Variants in SH3PXD2A observed in about 807,000 individuals in gnomAD.
SH3PXD2A encodes SH3 and PX domains 2A, also known as SH3 and PX domain-containing protein 2A.
Under a neutral mutation model 115.2 loss-of-function variants are expected in SH3PXD2A, and 32 were observed. That is an observed-to-expected ratio of 0.28 (90% CI 0.21 to 0.37). SH3PXD2A has a LOEUF of 0.37. Ranked by LOEUF, SH3PXD2A falls within the 10% of genes least tolerant of loss-of-function variation. The pLI is 1.00. For synonymous variants in SH3PXD2A, 610 were observed against 629.1 expected, an observed-to-expected ratio of 0.97 and a Z score of 0.45; for missense variants, 1,328 against 1,498.7, an observed-to-expected ratio of 0.89 and a Z score of 1.88.
At chr10:103,679,502 T>C (rs1439347572) in intron 6 of SH3PXD2A, among the ~76,000 whole-genome samples, 1 of 152,134 alleles carries the variant, frequency 6.6e-6, no homozygotes, top group Non-Finnish European at 1.5e-5. Flanking sequence ...CACTGAGCCA[T>C]GGGCTTGGAG....
intron 1 of SH3PXD2A, among the ~76,000 whole-genome samples, chr10:103,854,130 T>C (rs1842919424): frequency 6.6e-6 from 1 of 152,154 alleles, no homozygotes; most frequent in Non-Finnish European, 1.5e-5. Flanking sequence ...GAGGCTGACA[T>C]TGCCACAAAC....
At chr10:103,678,214 C>T in intron 6 of SH3PXD2A, 1 of 1,220,368 alleles carries the variant, frequency 8.2e-7, no homozygotes, top group Non-Finnish European at 1.1e-6. Flanking sequence ...CTGGGAGCCC[C>T]TGAGCCTTTC....
intron 5 of SH3PXD2A, among the ~76,000 whole-genome samples, chr10:103,697,313 TTTG>T (rs1312392486): frequency 2.0e-5 from 3 of 152,166 alleles, no homozygotes; most frequent in Non-Finnish European, 4.4e-5. Context: ...ATAAATTGTC[TTTG>T]TTGTTATTCT....
chr10:103,798,745 G>A (rs1285001959), intron 2 of SH3PXD2A, among the ~76,000 whole-genome samples: 7 of 152,166 alleles, frequency 4.6e-5, no homozygotes, highest in East Asian at 1.9e-4. Context: ...AGCTCCCAGC[G>A]GGCTCCCACC....
At chr10:103,748,547 C>G (rs1304008949) in intron 3 of SH3PXD2A, among the ~76,000 whole-genome samples, 1 of 152,202 alleles carries the variant, frequency 6.6e-6, no homozygotes, top group Admixed American at 6.5e-5. Context: ...GCAAAGGATA[C>G]TGTGTATGGG....
intron 11 of SH3PXD2A, among the ~76,000 whole-genome samples, chr10:103,614,868 G>A (rs775373825): frequency 7.2e-5 from 11 of 152,124 alleles, no homozygotes. Flanking sequence ...TGAGCTTTGC[G>A]AGAAAGCTCA....
intron 2 of SH3PXD2A, among the ~76,000 whole-genome samples, chr10:103,776,316 C>T (rs1460877927): frequency 6.6e-6 from 1 of 151,216 alleles, no homozygotes; most frequent in Non-Finnish European, 1.5e-5. Flanking sequence ...TTAATTGAGC[C>T]CAGGAGGTTG....
intron 3 of SH3PXD2A, among the ~76,000 whole-genome samples, chr10:103,748,334 C>T (rs764383062): frequency 3.3e-5 from 5 of 152,180 alleles, no homozygotes; most frequent in African/African-American, 9.7e-5. Context: ...ACTGAACATG[C>T]CTAGGCTCCT....
At chr10:103,737,893 T>C (rs1315503763) in intron 3 of SH3PXD2A, among the ~76,000 whole-genome samples, 1 of 152,186 alleles carries the variant, frequency 6.6e-6, no homozygotes, top group African/African-American at 2.4e-5. Flanking sequence ...AGTCAGACAG[T>C]GGAACGTGTA....
intron 8 of SH3PXD2A, among the ~76,000 whole-genome samples, chr10:103,647,514 G>A (rs1346673422): frequency 6.6e-6 from 1 of 152,208 alleles, no homozygotes; most frequent in East Asian, 1.9e-4. Flanking sequence ...TGAATGTAGA[G>A]GCCCTTTAAA....
At position 103,613,105 on chromosome 10, in the gene SH3PXD2A, C is replaced by T. The variant is rs373027762; in HGVS notation, c.1006G>A (p.Gly336Ser). ...DLPTRKKNLA[G>S]PVEIIGNIME... Reference sequence around the variant, plus strand: ...ATGTTCCCAATGATCTCCACTGGGCCGGCCAGGTTCTTCTTCCGGGTTGGC... The same window carrying T: ...ATGTTCCCAATGATCTCCACTGGGCTGGCCAGGTTCTTCTTCCGGGTTGGC... The change falls in exon 12 of 15, where the codon GGC becomes AGC. Residue 336 changes from glycine (G) to serine (S), a missense_variant. Transcript: ENST00000369774. 23 of 1,613,988 alleles carry T rather than the reference C, an allele frequency of 1.4e-5. No individual in the cohort carries two copies. Among genetic ancestry groups the T allele is most frequent in the East Asian group, 2.2e-5 (1 of 44,902 alleles).
chr10:103,605,723 G>A (rs2036290279), intron 14 of SH3PXD2A, 75 bp downstream of exon 14: 2 of 1,591,188 alleles, frequency 1.3e-6, no homozygotes, highest in Non-Finnish European at 1.7e-6. Flanking sequence ...TTACTAGCAA[G>A]GCCTAAAATG....
intron 2 of SH3PXD2A, among the ~76,000 whole-genome samples, chr10:103,793,900 G>T (rs542968172): frequency 6.6e-5 from 10 of 152,322 alleles, no homozygotes; most frequent in Middle Eastern, 3.4e-3. Flanking sequence ...CTCAGCTGAG[G>T]CCTGCTTTGG....
chr10:103,667,360 T>A (rs919398261), intron 7 of SH3PXD2A, among the ~76,000 whole-genome samples: 1 of 152,142 alleles, frequency 6.6e-6, no homozygotes, highest in Non-Finnish European at 1.5e-5. Context: ...TCTAGCCCCT[T>A]ATAACTGGTT....
At chr10:103,623,817 G>A (rs1023955872) in intron 9 of SH3PXD2A, among the ~76,000 whole-genome samples, 1 of 152,224 alleles carries the variant, frequency 6.6e-6, no homozygotes, top group African/African-American at 2.4e-5. Context: ...CAGGTCCTGT[G>A]CAAGGCCTCC....
At chr10:103,707,085 G>A (rs2037990129) in intron 5 of SH3PXD2A, among the ~76,000 whole-genome samples, 1 of 152,244 alleles carries the variant, frequency 6.6e-6, no homozygotes, top group East Asian at 1.9e-4. Flanking sequence ...AGTGTCTATG[G>A]CCTCCTTCAC....
At chr10:103,653,138 C>G (rs887988703) in intron 8 of SH3PXD2A, among the ~76,000 whole-genome samples, 16 of 152,126 alleles carry the variant, frequency 1.1e-4, no homozygotes, top group African/African-American at 3.9e-4. Flanking sequence ...GAATTACTTC[C>G]TTGGTTTACT....
intron 1 of SH3PXD2A, among the ~76,000 whole-genome samples, chr10:103,840,525 G>C (rs1194605217): frequency 6.6e-6 from 1 of 152,222 alleles, no homozygotes; most frequent in Non-Finnish European, 1.5e-5. Context: ...CTAATGACAA[G>C]TGTCCTGAAC....
chr10:103,657,762 T>C (rs2037232125), intron 8 of SH3PXD2A, among the ~76,000 whole-genome samples: 2 of 152,318 alleles, frequency 1.3e-5, no homozygotes, highest in South Asian at 4.1e-4. Context: ...CTAAGTTCAA[T>C]GGATCAATGA....
Sources: gnomAD v4.1 joint callset for allele counts (sites outside exome capture counted in the v4.1 genomes callset) on GRCh38, gnomAD v4.1.1 for gene constraint, MANE v1.5 for transcripts, NCBI Gene and HGNC (gene_info 2026-07-23, HGNC 2026-07-21) for gene names.